CIT: variants seen among roughly 807,000 people sequenced by gnomAD.
The protein encoded by CIT is citron Rho-interacting kinase.
CIT carries 79 observed loss-of-function variants against 272.7 expected under a neutral mutation model. That is an observed-to-expected ratio of 0.29 (90% CI 0.24 to 0.35). The LOEUF (loss-of-function observed/expected upper bound fraction) is 0.35, where lower values mean the gene tolerates loss of function less well. CIT is among the 10% of genes least tolerant of loss of function. CIT has a pLI of 1.00. For synonymous variants in CIT, 948 were observed against 995.6 expected, an observed-to-expected ratio of 0.95 and a Z score of 0.90; for missense variants, 1,909 against 2,618.3, an observed-to-expected ratio of 0.73 and a Z score of 5.91.
chr12:119,696,572 C>G (rs1388336844), intron 46 of CIT, among the ~76,000 whole-genome samples: 2 of 152,132 alleles, frequency 1.3e-5, no homozygotes, highest in African/African-American at 4.8e-5. Flanking sequence ...TGTGCCCAGG[C>G]TGGAGTACAG....
intron 5 of CIT, among the ~76,000 whole-genome samples, chr12:119,848,665 G>A (rs1295504639): frequency 2.0e-5 from 3 of 152,196 alleles, no homozygotes; most frequent in Non-Finnish European, 4.4e-5. Context: ...ACAGCAAGCT[G>A]GAGAGCCAAG....
At chr12:119,772,508 T>C (rs1963279758) in intron 17 of CIT, among the ~76,000 whole-genome samples, 1 of 152,096 alleles carries the variant, frequency 6.6e-6, no homozygotes, top group Non-Finnish European at 1.5e-5. Flanking sequence ...ATCAAAATTC[T>C]CCCAGATTAG....
At position 119,694,022 on chromosome 12, in the gene CIT, C is replaced by T. The variant is rs747152488; in HGVS notation, c.5883-3568G>A. ...AAGATTATCTTAGGTCATTTATTCC[C>T]GGGGTTAAATAATCTCAGACCTTCT... On this transcript the variant is annotated intron_variant, in intron 46 of 47. Transcript: ENST00000392521. The surrounding 1 kb of genome is among the most constrained non-coding windows in gnomAD (Gnocchi z 4.5). Among the ~76,000 whole-genome samples the T allele has an allele frequency of 2.0e-4, 31 of 152,120 alleles. No homozygotes were observed. Among genetic ancestry groups the T allele is most frequent in the Non-Finnish European group, 3.2e-4 (22 of 68,032 alleles).
intron 10 of CIT, among the ~76,000 whole-genome samples, chr12:119,798,207 AT>A (rs1965901721): frequency 6.6e-6 from 1 of 152,314 alleles, no homozygotes; most frequent in South Asian, 2.1e-4. Flanking sequence ...GAATCCCAGC[AT>A]TTAGACCTGC....
At position 119,687,521 on chromosome 12, in the gene CIT, A is replaced by G. The variant is rs1955647615; in HGVS notation, c.*711T>C. 1 of 152,584 alleles carries G rather than the reference A, an allele frequency of 6.6e-6. No individual in the cohort carries two copies. 9.5% of individuals were successfully genotyped at this position (152,584 alleles called of 1,614,324 possible). On this transcript the variant is annotated 3_prime_UTR_variant, in exon 48 of 48. Coordinates refer to ENST00000392521, the MANE Select transcript of CIT (RefSeq NM_001206999.2). ...GCTGAGGCCCCGATGACCTCCATAC[A>G]TTCTCAGCTGGTGGGAGGGGAAGTC...
At chr12:119,867,301 G>T (rs1192731106) in intron 3 of CIT, among the ~76,000 whole-genome samples, 1 of 151,812 alleles carries the variant, frequency 6.6e-6, no homozygotes, top group African/African-American at 2.4e-5. Context: ...CGATTCTCCT[G>T]CCTCTGCCTC....
chr12:119,873,895 T>C (rs1167651702), intron 2 of CIT, among the ~76,000 whole-genome samples: 1 of 152,158 alleles, frequency 6.6e-6, no homozygotes, highest in African/African-American at 2.4e-5. Context: ...ATTAATATTA[T>C]AACTAATACT....
intron 10 of CIT, among the ~76,000 whole-genome samples, chr12:119,787,916 A>G (rs538983151): frequency 1.7e-4 from 26 of 152,174 alleles, no homozygotes; most frequent in Non-Finnish European, 3.4e-4. Flanking sequence ...CTGTCAGCAC[A>G]GTGCCTGGCA....
chr12:119,753,228 G>C (rs1357364220), intron 22 of CIT, among the ~76,000 whole-genome samples: 3 of 152,134 alleles, frequency 2.0e-5, no homozygotes, highest in Non-Finnish European at 4.4e-5. Context: ...ACACTGCGAT[G>C]AGCTATGCCC....
At chr12:119,867,291 C>T (rs1051871201) in intron 3 of CIT, among the ~76,000 whole-genome samples, 2 of 152,016 alleles carry the variant, frequency 1.3e-5, no homozygotes, top group Non-Finnish European at 2.9e-5. Flanking sequence ...CAGGTTCAAG[C>T]GATTCTCCTG....
chr12:119,714,287 G>T lies in CIT; in HGVS notation c.4216C>A (p.Arg1406=). 1 of 1,614,096 alleles carries T rather than the reference G, an allele frequency of 6.2e-7. No homozygotes were observed. The highest frequency in any genetic ancestry group is 8.5e-7 in the Non-Finnish European group (1 of 1,180,026). ...CGCATGTTCAGTCCTACGTTGAATC[G>T]GTGAGGAATATTGTGGTGCATGCGT... ...KERMHHNIPH[R]FNVGLNMRAT... Residue 1406 remains arginine, a synonymous_variant, in exon 33 of 48, where the codon CGA becomes AGA. Transcript: ENST00000392521.
intron 10 of CIT, among the ~76,000 whole-genome samples, chr12:119,800,126 T>C (rs537225040): frequency 1.3e-5 from 2 of 152,280 alleles, no homozygotes; most frequent in African/African-American, 4.8e-5. Context: ...TTCCTGTTAC[T>C]ACCCTACTAT....
chr12:119,774,347 C>T (rs927636967), intron 16 of CIT, among the ~76,000 whole-genome samples: 2 of 151,944 alleles, frequency 1.3e-5, no homozygotes, highest in African/African-American at 4.8e-5. Flanking sequence ...CTCTATTAAA[C>T]CAAGCCAGCA....
intron 7 of CIT, 37 bp from the exon 8 acceptor site, chr12:119,825,405 T>G (rs752839020): frequency 1.3e-6 from 2 of 1,579,362 alleles, no homozygotes; most frequent in South Asian, 2.2e-5. Context: ...CAGCAAACTT[T>G]CAATTATCCT....
intron 16 of CIT, 121 bp from the exon 17 acceptor site, chr12:119,773,031 AGATAGTGACAGTGTCCT>A: frequency 1.1e-6 from 1 of 932,908 alleles, no homozygotes; most frequent in Non-Finnish European, 1.5e-6. Flanking sequence ...AAAAAAAAAA[AGATAGTGACAGTGTCCT>A]AAATTTAAAA....
Position 119,713,449 on chromosome 12 carries a change from A to G in CIT, c.4487+19T>C. 1 of 1,611,466 alleles carries G rather than the reference A, an allele frequency of 6.2e-7. No homozygotes were observed. Among genetic ancestry groups the G allele is most frequent in the Non-Finnish European group, 8.5e-7 (1 of 1,178,512 alleles). ...TTGTGCCAGCACCTGCTCCAGCCCA[A>G]GCCACCCTGACATGGTACCTGGGCA... On this transcript the variant is annotated intron_variant, in intron 34 of 47. Transcript: ENST00000392521. The surrounding 1 kb of genome is among the most constrained non-coding windows in gnomAD (Gnocchi z 5.2).
chr12:119,781,539 AT>A (rs1964287564), intron 13 of CIT, among the ~76,000 whole-genome samples: 1 of 152,202 alleles, frequency 6.6e-6, no homozygotes, highest in South Asian at 2.1e-4. Flanking sequence ...CAGCTCTCCA[AT>A]TGCTCATTGC....
At chr12:119,706,073 G>C (rs923323268) in intron 40 of CIT, among the ~76,000 whole-genome samples, 2 of 147,448 alleles carry the variant, frequency 1.4e-5, no homozygotes, top group Non-Finnish European at 3.0e-5. Context: ...CTGGGTGACA[G>C]AGCAAGACTC....
intron 41 of CIT, among the ~76,000 whole-genome samples, chr12:119,703,769 T>G (rs973651871): frequency 1.3e-5 from 2 of 152,082 alleles, no homozygotes; most frequent in Non-Finnish European, 2.9e-5. Context: ...CAGAAATATA[T>G]CAGGCTTAGG....
Sources: gnomAD v4.1 joint callset for allele counts (sites outside exome capture counted in the v4.1 genomes callset) on GRCh38, gnomAD v4.1.1 for gene constraint, Gnocchi (gnomAD v3.1) non-coding constraint, MANE v1.5 for transcripts, NCBI Gene and HGNC (gene_info 2026-07-23, HGNC 2026-07-21) for gene names.